Variants in PRKAR2B observed in about 807,000 individuals in gnomAD.
PRKAR2B encodes protein kinase cAMP-dependent type II regulatory subunit beta, also known as cAMP-dependent protein kinase type II-beta regulatory subunit.
PRKAR2B carries 14 observed loss-of-function variants against 49.9 expected under a neutral mutation model. The observed-to-expected ratio is 0.28, with a 90% CI of 0.19 to 0.44. The LOEUF (loss-of-function observed/expected upper bound fraction) is 0.44. Among genes scored for constraint, PRKAR2B ranks in the 20% least tolerant of loss-of-function variants. PRKAR2B has a pLI of 1.00. For missense variants in PRKAR2B, 393 were observed against 537.9 expected, an observed-to-expected ratio of 0.73 and a Z score of 2.67; for synonymous variants, 196 against 197.7, an observed-to-expected ratio of 0.99 and a Z score of 0.07.
intron 4 of PRKAR2B, among the ~76,000 whole-genome samples, chr7:107,139,056 C>G (rs1394301949): frequency 6.6e-6 from 1 of 152,086 alleles, no homozygotes; most frequent in Admixed American, 6.5e-5. Flanking sequence ...CTCTGATTTG[C>G]TCTTTTCCTA....
At position 107,082,865 on chromosome 7, in the gene PRKAR2B, G is replaced by C. The variant is rs149983252; in HGVS notation, c.343+12549G>C. On this transcript the variant is annotated intron_variant, in intron 2 of 10. Coordinates refer to ENST00000265717, the MANE Select transcript of PRKAR2B (RefSeq NM_002736.3). The stretch of plus-strand genomic sequence containing the variant: ...AGTGCCCGCCTTGGTCTCCCAAAGT[G>C]TTGGGATTACAGCTGTGAGCCACCG... Among the ~76,000 whole-genome samples, 463 of 152,290 alleles carry C rather than the reference G, an allele frequency of 3.0e-3. 14 individuals carry two copies. In the East Asian group the frequency reaches 0.076, roughly 25 times the overall value.
chr7:107,104,217 T>C (rs1795029980), intron 2 of PRKAR2B, among the ~76,000 whole-genome samples: 1 of 151,996 alleles, frequency 6.6e-6, no homozygotes, highest in Non-Finnish European at 1.5e-5. Flanking sequence ...TGTATTTTAG[T>C]AGAGATGGGG....
chr7:107,156,171 A>G (rs1194535800), intron 8 of PRKAR2B, among the ~76,000 whole-genome samples: 2 of 152,172 alleles, frequency 1.3e-5, no homozygotes, highest in Non-Finnish European at 2.9e-5. Context: ...GCTTAAAACC[A>G]GACAGGTTGA....
intron 4 of PRKAR2B, among the ~76,000 whole-genome samples, chr7:107,135,761 G>A (rs1486996411): frequency 6.6e-6 from 1 of 152,146 alleles, no homozygotes; most frequent in East Asian, 1.9e-4. Context: ...TTCATGGATA[G>A]GAAGACCCAC....
intron 2 of PRKAR2B, among the ~76,000 whole-genome samples, chr7:107,078,640 G>C (rs1479227375): frequency 6.6e-6 from 1 of 152,100 alleles, no homozygotes; most frequent in African/African-American, 2.4e-5. Flanking sequence ...CCAGCCACTT[G>C]CCCCTCCTGC....
intron 2 of PRKAR2B, among the ~76,000 whole-genome samples, chr7:107,121,470 ACC>A (rs1425143901): frequency 3.3e-5 from 5 of 152,184 alleles, no homozygotes; most frequent in Admixed American, 2.0e-4. Context: ...TGTAAACTCA[ACC>A]CAGAAAAAAG....
intron 5 of PRKAR2B, among the ~76,000 whole-genome samples, 186 bp from the exon 6 acceptor site, chr7:107,146,122 G>A (rs1399602421): frequency 1.3e-5 from 2 of 152,028 alleles, no homozygotes; most frequent in Non-Finnish European, 2.9e-5. Context: ...TTATTGTTTA[G>A]TCCCATTTTT....
chr7:107,155,102 A>G (rs973138445), intron 8 of PRKAR2B, among the ~76,000 whole-genome samples: 3 of 152,198 alleles, frequency 2.0e-5, no homozygotes, highest in African/African-American at 7.2e-5. Context: ...ATCCGCAGAC[A>G]TGTTTCTGCC....
intron 2 of PRKAR2B, among the ~76,000 whole-genome samples, chr7:107,088,571 G>A (rs1253730764): frequency 6.6e-6 from 1 of 152,112 alleles, no homozygotes; most frequent in Non-Finnish European, 1.5e-5. Flanking sequence ...CTCCTCATGT[G>A]ATTCTCATAC....
At chr7:107,101,170 A>G (rs1230444025) in intron 2 of PRKAR2B, among the ~76,000 whole-genome samples, 1 of 101,788 alleles carries the variant, frequency 9.8e-6, no homozygotes, top group East Asian at 2.6e-4. Context: ...TAGCTTGTCT[A>G]CTAAATCTGT....
rs1408041248 is a variant in PRKAR2B at position 107,155,381 on chromosome 7, C to T, written c.919-1603C>T. ...CCAGCCTGGCCAACATGGTGAAACC[C>T]CATCTCTAATAAAAATACAAAAAAA... On this transcript the variant is annotated intron_variant, in intron 8 of 10. Transcript: ENST00000265717. Among the ~76,000 whole-genome samples, 4 of 152,174 alleles carry T rather than the reference C, an allele frequency of 2.6e-5. No individual in the cohort carries two copies. In the East Asian group the frequency reaches 7.7e-4, roughly 29 times the overall value.
chr7:107,127,861 T>C (rs1488011424), intron 3 of PRKAR2B, among the ~76,000 whole-genome samples: 1 of 152,226 alleles, frequency 6.6e-6, no homozygotes, highest in Non-Finnish European at 1.5e-5. Context: ...TGTTGTCCTT[T>C]TGTACGGGTC....
intron 3 of PRKAR2B, among the ~76,000 whole-genome samples, chr7:107,124,489 C>G (rs964101984): frequency 6.6e-6 from 1 of 152,150 alleles, no homozygotes; most frequent in African/African-American, 2.4e-5. Context: ...GTGTAGGAAT[C>G]AAAACACAGC....
At chr7:107,144,871 A>G (rs1795861396) in intron 5 of PRKAR2B, among the ~76,000 whole-genome samples, 1 of 151,134 alleles carries the variant, frequency 6.6e-6, no homozygotes, top group African/African-American at 2.4e-5. Flanking sequence ...ATAAAGCCAA[A>G]GAATTTTTTC....
chr7:107,091,625 G>A (rs1407753770), intron 2 of PRKAR2B: 1 of 152,160 alleles, frequency 6.6e-6, no homozygotes, highest in Non-Finnish European at 1.5e-5. Flanking sequence ...GGGCTTAAAG[G>A]TATCCATTTT....
At position 107,153,326 on chromosome 7, in the gene PRKAR2B, C is replaced by T. The variant is rs1796023145; in HGVS notation, c.918+75C>T. 4 of 1,059,482 alleles carry T rather than the reference C, an allele frequency of 3.8e-6. No individual in the cohort carries two copies. In the South Asian group the frequency reaches 7.0e-5, roughly 18 times the overall value. The allele number at this position is 1,059,482 out of a possible 1,614,324, so 65.6% of individuals were successfully genotyped here. A position where few individuals can be genotyped will look rare whatever the true frequency, so the allele number is the denominator to read the frequency against. On this transcript the variant is annotated intron_variant, in intron 8 of 10. Coordinates refer to ENST00000265717, the MANE Select transcript of PRKAR2B (RefSeq NM_002736.3). ...TCCTGTAGTGGTAGATCTTGATAAA[C>T]TTTTCATATTTCTAAAATTAGTATG...
chr7:107,070,405 C>T (rs1041769351), intron 2 of PRKAR2B, 89 bp downstream of exon 2: 2 of 1,140,590 alleles, frequency 1.8e-6, no homozygotes, highest in African/African-American at 1.6e-5. Context: ...AGAATAATTG[C>T]TGTATAGTAA....
intron 8 of PRKAR2B, among the ~76,000 whole-genome samples, chr7:107,156,601 C>A (rs553616867): frequency 6.6e-6 from 1 of 151,998 alleles, no homozygotes; most frequent in African/African-American, 2.4e-5. Flanking sequence ...GTCAGGAGAT[C>A]AAGACCATCC....
intron 6 of PRKAR2B, among the ~76,000 whole-genome samples, chr7:107,149,193 A>T (rs2115660933): frequency 6.6e-6 from 1 of 152,328 alleles, no homozygotes; most frequent in Middle Eastern, 3.4e-3. Flanking sequence ...ATGCAGAGCC[A>T]GGCTTGGAAA....
Sources: gnomAD v4.1 joint callset for allele counts (sites outside exome capture counted in the v4.1 genomes callset) on GRCh38, gnomAD v4.1.1 for gene constraint, MANE v1.5 for transcripts, NCBI Gene and HGNC (gene_info 2026-07-23, HGNC 2026-07-21) for gene names.